The following GRAMD1B variants were observed in gnomAD, a reference collection of about 807,000 sequenced individuals.
GRAMD1B encodes protein Aster-B.
GRAMD1B carries 37 observed loss-of-function variants against 99.7 expected under a neutral mutation model. The observed-to-expected ratio is 0.37, with a 90% CI of 0.29 to 0.49. GRAMD1B has a LOEUF of 0.49. GRAMD1B is among the 20% of genes least tolerant of loss of function. The pLI is 0.98. For synonymous variants in GRAMD1B, 427 were observed against 387.6 expected (o/e 1.10, Z -1.19); for missense variants, 888 against 1,009.2 (o/e 0.88, Z 1.63).
intron 2 of GRAMD1B, among the ~76,000 whole-genome samples, chr11:123,493,509 A>G (rs1216897209): frequency 6.6e-6 from 1 of 152,204 alleles, no homozygotes; most frequent in Non-Finnish European, 1.5e-5. Flanking sequence ...GAAGCCAGTT[A>G]TATAAACTCT....
At chr11:123,547,120 G>A (rs555369568) in intron 2 of GRAMD1B, among the ~76,000 whole-genome samples, 45 of 152,262 alleles carry the variant, frequency 3.0e-4, no homozygotes, top group Non-Finnish European at 6.0e-4. Context: ...AAGCTACAGA[G>A]GCAATACCTG....
At chr11:123,585,812 T>G (rs1950011586) in intron 4 of GRAMD1B, among the ~76,000 whole-genome samples, 5 of 152,248 alleles carry the variant, frequency 3.3e-5, no homozygotes. Context: ...ACATCTCCGT[T>G]TGGACAGGCC....
At chr11:123,523,207 C>T (rs1942366693) in intron 2 of GRAMD1B, among the ~76,000 whole-genome samples, 2 of 152,162 alleles carry the variant, frequency 1.3e-5, no homozygotes, top group Non-Finnish European at 2.9e-5. Flanking sequence ...TGGTGCGTGC[C>T]TGTAATCCCA....
chr11:123,377,519 C>G (rs1946729020), intron 1 of GRAMD1B, among the ~76,000 whole-genome samples: 1 of 152,140 alleles, frequency 6.6e-6, no homozygotes, highest in Non-Finnish European at 1.5e-5. Flanking sequence ...CTGTGATGCA[C>G]AGGAAGCCAG....
At chr11:123,513,811 C>T (rs1453734398) in intron 2 of GRAMD1B, among the ~76,000 whole-genome samples, 1 of 151,704 alleles carries the variant, frequency 6.6e-6, no homozygotes, top group Non-Finnish European at 1.5e-5. Flanking sequence ...TGCATGCCAC[C>T]ACACTTGGCT....
intron 1 of GRAMD1B, among the ~76,000 whole-genome samples, chr11:123,473,027 C>A (rs184172419): frequency 6.6e-6 from 1 of 151,972 alleles, no homozygotes; most frequent in Non-Finnish European, 1.5e-5. Flanking sequence ...GAAAATCTTA[C>A]GGAGGACTTC....
At chr11:123,513,846 G>A (rs1941409504) in intron 2 of GRAMD1B, among the ~76,000 whole-genome samples, 1 of 151,726 alleles carries the variant, frequency 6.6e-6, no homozygotes, top group Non-Finnish European at 1.5e-5. Flanking sequence ...TGTAGAAATG[G>A]AGTCTCACTA....
At chr11:123,463,072 G>T (rs1366014962) in intron 1 of GRAMD1B, among the ~76,000 whole-genome samples, 1 of 152,068 alleles carries the variant, frequency 6.6e-6, no homozygotes, top group Non-Finnish European at 1.5e-5. Flanking sequence ...GCGATGGCGC[G>T]ATCTCGGCTC....
At chr11:123,425,311 C>T (rs1244012884), upstream of GRAMD1B, among the ~76,000 whole-genome samples, 1 of 152,166 alleles carries the variant, frequency 6.6e-6, no homozygotes, top group Non-Finnish European at 1.5e-5. Flanking sequence ...GCACATGCCA[C>T]CTGCTTTCCT....
Position 123,539,224 on chromosome 11 carries a change from T to G in GRAMD1B, c.453-38143T>G, listed in dbSNP as rs560657740. 2.0e-4 allele frequency among the ~76,000 whole-genome samples: 30 copies of G among 152,042 alleles called. No homozygotes were observed. In the South Asian group the frequency reaches 2.3e-3, roughly 12 times the overall value. ...GCCAGGGTGACAGGGTAAGACCCTG[T>G]CTCTTAAAAACAAAAAACTCCAAAC... is the stretch of plus-strand genomic sequence containing the variant. On this transcript the variant is annotated intron_variant, in intron 2 of 19. Transcript: ENST00000635736.
intron 1 of GRAMD1B, among the ~76,000 whole-genome samples, chr11:123,360,136 C>A (rs1946089025): frequency 6.6e-6 from 1 of 152,226 alleles, no homozygotes; most frequent in South Asian, 2.1e-4. Flanking sequence ...GGCACTCCTG[C>A]TTCCCAGTGT....
chr11:123,606,653 G>A lies in GRAMD1B; in HGVS notation c.1368G>A (p.Gly456=), dbSNP rs780494102. Residue 456 remains glycine (G), a synonymous_variant, in exon 11 of 20, where the codon GGG becomes GGA. Transcript: ENST00000635736. ...AGGAAGAGGCGCTGGAGGGAGACGG[G>A]TCCCTGGAAAAGGAGCTCGCCATTG... ...PLEEEALEGD[G]SLEKELAIDN... 3.7e-6 allele frequency: 6 copies of A among 1,612,976 alleles called. No individual in the cohort carries two copies. Among genetic ancestry groups the A allele is most frequent in the Non-Finnish European group, 5.1e-6 (6 of 1,179,636 alleles).
At chr11:123,540,154 C>G (rs1387099875) in intron 2 of GRAMD1B, among the ~76,000 whole-genome samples, 1 of 151,886 alleles carries the variant, frequency 6.6e-6, no homozygotes, top group Non-Finnish European at 1.5e-5. Flanking sequence ...TACCCTTGAC[C>G]TCCTGGGCTC....
intron 1 of GRAMD1B, among the ~76,000 whole-genome samples, chr11:123,380,186 G>T: frequency 6.6e-6 from 1 of 152,198 alleles, no homozygotes; most frequent in African/African-American, 2.4e-5. Context: ...TTTCGATGAC[G>T]TCCAGTTCAC....
Position 123,622,974 on chromosome 11 carries a change from A to G in GRAMD1B, c.*379A>G, listed in dbSNP as rs1476256948. The G allele has an allele frequency of 6.6e-6, 1 of 152,312 alleles. No individual in the cohort carries two copies. Among genetic ancestry groups the G allele is most frequent in the Non-Finnish European group, 1.5e-5 (1 of 68,050 alleles). 9.4% of individuals were successfully genotyped at this position (152,312 alleles called of 1,614,324 possible). On this transcript the variant is annotated 3_prime_UTR_variant, in exon 20 of 20. Coordinates refer to ENST00000635736, the MANE Select transcript of GRAMD1B (RefSeq NM_001387025.1). ...CCCTAAGGTCTCAAAAAGAAGTCTT[A>G]AGACGGCATTGCTTAAGGTGCTTCA...
At chr11:123,368,115 G>T (rs530920488) in intron 1 of GRAMD1B, among the ~76,000 whole-genome samples, 1 of 151,900 alleles carries the variant, frequency 6.6e-6, no homozygotes, top group African/African-American at 2.4e-5. Context: ...TTAGCTGGGC[G>T]TGGTGGTGGA....
intron 1 of GRAMD1B, among the ~76,000 whole-genome samples, chr11:123,404,004 G>T (rs1947766681): frequency 6.6e-6 from 1 of 152,082 alleles, no homozygotes; most frequent in African/African-American, 2.4e-5. Flanking sequence ...TTTTTTGAAA[G>T]AACCTAGGAC....
rs199500995 is a variant in GRAMD1B at position 123,422,947 on chromosome 11, CT to C, written c.-175-57867del. 4.7e-3 allele frequency among the ~76,000 whole-genome samples: 419 copies of C among 89,806 alleles called. 6 individuals are homozygous for C. Among genetic ancestry groups the C allele is most frequent in the East Asian group, 0.028 (78 of 2,752 alleles). The allele number at this position is 89,806 out of a possible 152,430, so 58.9% of individuals were successfully genotyped here. A position where few individuals can be genotyped will look rare whatever the true frequency, so the allele number is the denominator to read the frequency against. On this transcript the variant is annotated intron_variant, in intron 1 of 20. Transcript: ENST00000638157. Reference sequence around the variant, plus strand: ...GGACTGGTTTTCTGCTCCTTCCTCCCTTCCCCCAGATTTGAAGCAACTGAGG... The same window carrying C: ...GGACTGGTTTTCTGCTCCTTCCTCCCTCCCCCAGATTTGAAGCAACTGAGG...
In GRAMD1B at chr11:123,472,240, A is replaced by AT. The variant is rs56833844; in HGVS notation, c.375-8576_375-8575insT. 8.6e-4 allele frequency among the ~76,000 whole-genome samples: 127 copies of AT among 148,364 alleles called. 1 individual carries two copies. Among genetic ancestry groups the AT allele is most frequent in the Non-Finnish European group, 3.0e-5 (2 of 66,476 alleles). On this transcript the variant is annotated intron_variant, in intron 1 of 19. Transcript: ENST00000635736. The stretch of plus-strand genomic sequence containing the variant: ...AAGACTCTGTCTCAAAAAAAAAAAA[A>AT]GAGAAAAAGAAAAAAGAAAGAAGTG...
Sources: gnomAD v4.1 joint callset for allele counts (sites outside exome capture counted in the v4.1 genomes callset) on GRCh38, gnomAD v4.1.1 for gene constraint, MANE v1.5 for transcripts, NCBI Gene and HGNC (gene_info 2026-07-23, HGNC 2026-07-21) for gene names.